C20orf96: variants seen among roughly 807,000 people sequenced by gnomAD.
C20orf96 encodes the protein uncharacterized protein C20orf96.
A neutral mutation model predicts 52.6 loss-of-function variants in C20orf96; 57 were observed. That is an observed-to-expected ratio of 1.08 (90% CI 0.88 to 1.35). The LOEUF (loss-of-function observed/expected upper bound fraction) is 1.35, where lower values mean the gene tolerates loss of function less well. Among genes scored for constraint, C20orf96 ranks in the 40% most tolerant of loss-of-function variants. The pLI, the probability that C20orf96 is intolerant of heterozygous loss-of-function variation, is 0.00. For synonymous variants in C20orf96, 168 were observed against 157.2 expected (o/e 1.07, Z -0.51); for missense variants, 478 against 443.6 (o/e 1.08, Z -0.70).
chr20:275,413 A>G (rs1304513795), intron 10 of C20orf96, among the ~76,000 whole-genome samples: 3 of 152,234 alleles, frequency 2.0e-5, no homozygotes, highest in Non-Finnish European at 2.9e-5. Context: ...CAGATGAAGA[A>G]GAAAAATTAA....
At position 276,866 on chromosome 20, in the gene C20orf96, G is replaced by A; in HGVS notation, c.839C>T (p.Pro280Leu). 1 of 1,613,990 alleles carries A rather than the reference G, an allele frequency of 6.2e-7. No homozygotes were observed. The highest frequency in any genetic ancestry group is 8.5e-7 in the Non-Finnish European group (1 of 1,179,952). ...LSSVVAETQR[P>L]YEEALLQKMW... is the part of the protein sequence containing the mutation. ...CTTCTGTAGGAGAGCCTCTTCATAG[G>A]GACGCTGGGTTTCCTGTGGAGGAAG... The change falls in exon 9 of 11, where the codon CCC becomes CTC. Residue 280 changes from proline (P) to leucine (L), a missense_variant. Coordinates refer to ENST00000360321, the MANE Select transcript of C20orf96 (RefSeq NM_153269.3).
intron 3 of C20orf96, among the ~76,000 whole-genome samples, chr20:286,894 T>C (rs1272742512): frequency 6.6e-6 from 1 of 152,230 alleles, no homozygotes; most frequent in Non-Finnish European, 1.5e-5. Flanking sequence ...CAGAAGGTTA[T>C]ATAAATGGAA....
At chr20:276,122 G>A in intron 9 of C20orf96, 36 bp from the exon 10 acceptor site, 2 of 1,611,632 alleles carry the variant, frequency 1.2e-6, no homozygotes, top group Non-Finnish European at 1.7e-6. Context: ...GAAGGGAGAG[G>A]CAAATGGCCC....
intron 4 of C20orf96, 91 bp downstream of exon 4, chr20:283,872 G>A: frequency 1.1e-6 from 1 of 878,822 alleles, no homozygotes. Flanking sequence ...AGTCAAGTCT[G>A]GCACCCACAA....
Position 277,165 on chromosome 20 carries a change from T to A in C20orf96, c.724-20A>T. On this transcript the variant is annotated intron_variant, in intron 7 of 10. Transcript: ENST00000360321. ...CTCATCCTGGGAGCCAGCAGAAGGG[T>A]GTTGGTCACCAGTCCTGCCTCCCAC... is the stretch of plus-strand genomic sequence containing the variant. 1 of 1,613,454 alleles carries A rather than the reference T, an allele frequency of 6.2e-7. No individual in the cohort carries two copies. Among genetic ancestry groups the A allele is most frequent in the Non-Finnish European group, 8.5e-7 (1 of 1,179,634 alleles).
At chr20:282,596 A>T (rs6081989) in intron 4 of C20orf96, among the ~76,000 whole-genome samples, 78,712 of 152,016 alleles carry the variant, frequency 0.52, 20,736 homozygotes, top group African/African-American at 0.61. Flanking sequence ...AATGGCTGGA[A>T]GCGGTGGCTC....
intron 3 of C20orf96, 86 bp from the exon 4 acceptor site, chr20:284,167 A>T (rs1212458803): frequency 1.1e-6 from 1 of 944,232 alleles, no homozygotes; most frequent in African/African-American, 1.6e-5. Context: ...CATTAATGAG[A>T]GGAGGGCCAG....
chr20:290,481 C>G (rs1339265330), intron 1 of C20orf96, 110 bp downstream of exon 1: 11 of 1,479,726 alleles, frequency 7.4e-6, no homozygotes, highest in Non-Finnish European at 8.9e-6. Flanking sequence ...GGACGGGGGT[C>G]AGAAGACCGA....
rs756250702 is a variant in C20orf96 at position 276,010 on chromosome 20, G to C, written c.989C>G (p.Pro330Arg). Residue 330 changes from proline to arginine, a missense_variant, in exon 10 of 11, where the codon CCC becomes CGC. By Grantham distance (103) the Pro-to-Arg change is moderately radical. Transcript: ENST00000360321. ...AACATCCTCAAATATGACCTCTCGG[G>C]GTTCCCGGGTCTGGGCTTGGAGCTC... The part of the protein sequence containing the change: ...VEELQAQTRE[P>R]REVIFEDVLL... The C allele has an allele frequency of 5.0e-6, 8 of 1,614,034 alleles. No homozygotes were observed. Among genetic ancestry groups the C allele is most frequent in the Non-Finnish European group, 5.9e-6 (7 of 1,180,032 alleles).
chr20:290,631 T>G lies in C20orf96; in HGVS notation c.-21A>C. The stretch of plus-strand genomic sequence containing the variant: ...GCCATTGGGGAAAATGGAAGAGAAG[T>G]TGCGAGTCTGTGAGACCCTGATCTT... On this transcript the variant is annotated 5_prime_UTR_variant, in exon 1 of 11. Coordinates refer to ENST00000360321, the MANE Select transcript of C20orf96 (RefSeq NM_153269.3). 1 of 1,609,412 alleles carries G rather than the reference T, an allele frequency of 6.2e-7. No individual in the cohort carries two copies. The highest frequency in any genetic ancestry group is 1.1e-5 in the South Asian group (1 of 90,912).
chr20:290,308 C>G lies in C20orf96; in HGVS notation c.21-1G>C, dbSNP rs780588797. 1 of 1,612,784 alleles carries G rather than the reference C, an allele frequency of 6.2e-7. No individual in the cohort carries two copies. Among genetic ancestry groups the G allele is most frequent in the Non-Finnish European group, 8.5e-7 (1 of 1,179,430 alleles). ...GGAGTGAGTCCCAGAGTGCTTGGGT[C>G]TGGAAAGAGTTGGGAAGGGAAAGAA... is the stretch of plus-strand genomic sequence containing the variant. On this transcript the variant is annotated splice_acceptor_variant, in intron 1 of 10. Transcript: ENST00000360321. LOFTEE classifies it high-confidence loss of function.
chr20:273,102 G>A (rs1256437527), intron 10 of C20orf96, among the ~76,000 whole-genome samples: 2 of 152,048 alleles, frequency 1.3e-5, no homozygotes, highest in Admixed American at 1.3e-4. Context: ...AGCCTTCACT[G>A]CAGCTGGGAC....
chr20:271,523 C>T (rs991833333), intron 10 of C20orf96, among the ~76,000 whole-genome samples: 5 of 151,786 alleles, frequency 3.3e-5, no homozygotes, highest in African/African-American at 9.7e-5. Context: ...TTTGGCAGGA[C>T]AAATGTTCCC....
At chr20:276,525 T>A in intron 9 of C20orf96, 1 of 985,426 alleles carries the variant, frequency 1.0e-6, no homozygotes, top group African/African-American at 1.7e-5. Context: ...CGGTGGTTAA[T>A]GGCTGAATAG....
At chr20:289,993 G>A (rs6082334) in intron 2 of C20orf96, among the ~76,000 whole-genome samples, 59,602 of 151,994 alleles carry the variant, frequency 0.39, 11,987 homozygotes, top group East Asian at 0.51. Context: ...AAAAGACGCA[G>A]ACATCCACCC....
Position 279,295 on chromosome 20 carries a change from C to T in C20orf96, c.342G>A (p.Glu114=). Residue 114 remains glutamate (E), a synonymous_variant, in exon 5 of 11, where the codon GAG becomes GAA. Coordinates refer to ENST00000360321, the MANE Select transcript of C20orf96 (RefSeq NM_153269.3). ...SLRSGRAALR[E]LRSRENFLSK... ...TGAGGAAGTTCTCACGGCTTCGGAG[C>T]TCTCGCAGAGCGGCCCTCCCGCTCC... The T allele has an allele frequency of 1.9e-6, 3 of 1,608,622 alleles. No homozygotes were observed. Among genetic ancestry groups the T allele is most frequent in the Non-Finnish European group, 1.7e-6 (2 of 1,179,010 alleles).
chr20:273,824 C>T (rs1405165116), intron 10 of C20orf96, among the ~76,000 whole-genome samples: 1 of 146,264 alleles, frequency 6.8e-6, no homozygotes, highest in Non-Finnish European at 1.5e-5. Context: ...TTGCAGTGAG[C>T]TGAGATGGTG....
At chr20:286,872 T>C (rs1437180603) in intron 3 of C20orf96, among the ~76,000 whole-genome samples, 1 of 152,182 alleles carries the variant, frequency 6.6e-6, no homozygotes, top group Non-Finnish European at 1.5e-5. Flanking sequence ...ATTTCTATAA[T>C]TTTGTGATCC....
chr20:277,417 G>A (rs1181281021), intron 6 of C20orf96, 34 bp from the exon 7 acceptor site: 1 of 1,609,448 alleles, frequency 6.2e-7, no homozygotes, highest in Non-Finnish European at 8.5e-7. Context: ...GCAGGGACAG[G>A]AGGCAAGACC....
Sources: allele counts gnomAD v4.1 joint callset (sites outside exome capture counted in the v4.1 genomes callset), GRCh38; gene constraint gnomAD v4.1.1; transcripts MANE v1.5; gene names NCBI Gene and HGNC (gene_info 2026-07-23, HGNC 2026-07-21).